Variants in ST8SIA4 observed in about 807,000 individuals in gnomAD.
ST8SIA4 encodes ST8 alpha-N-acetyl-neuraminide alpha-2,8-sialyltransferase 4.
In ST8SIA4, 15 loss-of-function variants were observed where a neutral mutation model predicts 33.9. The observed-to-expected ratio is 0.44, with a 90% CI of 0.30 to 0.68. The LOEUF (loss-of-function observed/expected upper bound fraction) is 0.68, where lower values mean the gene tolerates loss of function less well. Among genes scored for constraint, ST8SIA4 ranks in the 30% least tolerant of loss-of-function variants. ST8SIA4 has a pLI of 0.10. For missense variants in ST8SIA4, 321 were observed against 428.0 expected (o/e 0.75, Z 2.21); for synonymous variants, 171 against 151.2 (o/e 1.13, Z -0.96).
At chr5:100,835,767 T>TG (rs1313248952) in intron 4 of ST8SIA4, among the ~76,000 whole-genome samples, 1 of 152,152 alleles carries the variant, frequency 6.6e-6, no homozygotes, top group African/African-American at 2.4e-5. Context: ...ATCCCCACTT[T>TG]GGGGGATACA....
chr5:100,830,816 T>C (rs779682088), intron 4 of ST8SIA4, among the ~76,000 whole-genome samples: 10 of 152,226 alleles, frequency 6.6e-5, no homozygotes, highest in Non-Finnish European at 1.2e-4. Flanking sequence ...TAAGTACAAC[T>C]AAAATTAATT....
At chr5:100,870,360 C>T (rs922153904) in intron 3 of ST8SIA4, among the ~76,000 whole-genome samples, 10 of 152,054 alleles carry the variant, frequency 6.6e-5, no homozygotes, top group Non-Finnish European at 1.2e-4. Flanking sequence ...GATTCCTCTT[C>T]GTCACATGTT....
chr5:100,894,535 T>C (rs1752738501), intron 2 of ST8SIA4, among the ~76,000 whole-genome samples: 1 of 152,094 alleles, frequency 6.6e-6, no homozygotes, highest in Non-Finnish European at 1.5e-5. Flanking sequence ...TTTCAAACCT[T>C]TAAACCAAAG....
chr5:100,903,011 A>G lies in ST8SIA4; in HGVS notation c.-56T>C. ...CAGCTCCCGCACCTTCTCTTGATATAAAGGCTCCGTTTTGGGGAGATAGTC... is the reference window on the plus strand; with the variant it reads ...CAGCTCCCGCACCTTCTCTTGATATGAAGGCTCCGTTTTGGGGAGATAGTC... On this transcript the variant is annotated 5_prime_UTR_variant, in exon 1 of 5. Transcript: ENST00000231461. 7.8e-7 allele frequency: 1 copy of G among 1,289,538 alleles called. No individual in the cohort carries two copies. Among genetic ancestry groups the G allele is most frequent in the African/African-American group, 1.5e-5 (1 of 68,184 alleles). 79.9% of individuals were successfully genotyped at this position (1,289,538 alleles called of 1,614,324 possible).
chr5:100,840,987 T>A (rs2112423862), intron 4 of ST8SIA4, among the ~76,000 whole-genome samples: 1 of 151,918 alleles, frequency 6.6e-6, no homozygotes, highest in East Asian at 1.9e-4. Context: ...CAGTAAGACA[T>A]TCAAAAACTT....
chr5:100,833,339 C>T (rs998120577), intron 4 of ST8SIA4, among the ~76,000 whole-genome samples: 4 of 151,992 alleles, frequency 2.6e-5, no homozygotes, highest in African/African-American at 4.8e-5. Context: ...ATTATTTAAA[C>T]GTTTGTAAGT....
intron 4 of ST8SIA4, among the ~76,000 whole-genome samples, chr5:100,833,138 A>C (rs1435853320): frequency 6.6e-6 from 1 of 152,134 alleles, no homozygotes; most frequent in East Asian, 1.9e-4. Context: ...TTATTGGTTA[A>C]CATATTATTT....
At chr5:100,855,420 A>G (rs1026406120) in intron 4 of ST8SIA4, among the ~76,000 whole-genome samples, 1 of 152,196 alleles carries the variant, frequency 6.6e-6, no homozygotes, top group Non-Finnish European at 1.5e-5. Context: ...AAGCTACAGT[A>G]TCTGACACTC....
At chr5:100,828,526 G>A (rs906973948) in intron 4 of ST8SIA4, among the ~76,000 whole-genome samples, 1 of 152,126 alleles carries the variant, frequency 6.6e-6, no homozygotes, top group Non-Finnish European at 1.5e-5. Context: ...AGAAACATAG[G>A]TTGGATTTAA....
intron 2 of ST8SIA4, chr5:100,890,749 A>C (rs1752643456): frequency 6.6e-6 from 1 of 151,936 alleles, no homozygotes; most frequent in Non-Finnish European, 1.5e-5. Flanking sequence ...CAAACACCTA[A>C]ATTGAGCAAC....
chr5:100,877,929 C>G (rs1318358450), intron 3 of ST8SIA4, among the ~76,000 whole-genome samples: 3 of 152,138 alleles, frequency 2.0e-5, no homozygotes. Context: ...TCCGTCTTTA[C>G]TACCCCTCAA....
intron 4 of ST8SIA4, among the ~76,000 whole-genome samples, chr5:100,853,999 GTGTGTGTGTGTA>G: frequency 4.1e-5 from 1 of 24,162 alleles, no homozygotes; most frequent in South Asian, 2.9e-3. Flanking sequence ...GTGTGTGTGT[GTGTGTGTGTGTA>G]TGTTTAAGAT....
chr5:100,876,073 G>T (rs964987074), intron 3 of ST8SIA4, among the ~76,000 whole-genome samples: 114 of 152,094 alleles, frequency 7.5e-4, no homozygotes, highest in African/African-American at 2.7e-3. Flanking sequence ...AAGACATAAA[G>T]CCTAAAACTA....
intron 2 of ST8SIA4, among the ~76,000 whole-genome samples, chr5:100,895,225 A>C (rs912974311): frequency 1.3e-5 from 2 of 152,064 alleles, no homozygotes; most frequent in African/African-American, 4.8e-5. Flanking sequence ...TCACAGGATA[A>C]GACTAATTTA....
chr5:100,872,847 C>G (rs1202843178), intron 3 of ST8SIA4, among the ~76,000 whole-genome samples: 1 of 146,312 alleles, frequency 6.8e-6, no homozygotes, highest in Admixed American at 6.9e-5. Flanking sequence ...GTGTACCAAT[C>G]TTGGTGCTAG....
intron 1 of ST8SIA4, among the ~76,000 whole-genome samples, chr5:100,897,908 T>C (rs1752815562): frequency 1.3e-5 from 2 of 152,212 alleles, no homozygotes; most frequent in African/African-American, 2.4e-5. Context: ...TTTTATATTA[T>C]ATTCATAATG....
chr5:100,875,001 G>A (rs1752275319), intron 3 of ST8SIA4, among the ~76,000 whole-genome samples: 1 of 152,190 alleles, frequency 6.6e-6, no homozygotes, highest in Admixed American at 6.5e-5. Flanking sequence ...TTTTTCTAAT[G>A]CTTACTAGCT....
intron 4 of ST8SIA4, among the ~76,000 whole-genome samples, chr5:100,830,990 T>C (rs1337475398): frequency 1.3e-5 from 2 of 152,186 alleles, no homozygotes; most frequent in Non-Finnish European, 2.9e-5. Context: ...ATTAGACCTA[T>C]AGCTTCTCAA....
In ST8SIA4 at chr5:100,823,160, C is replaced by A. The variant is rs537538590; in HGVS notation, c.798-11031G>T. 2.5e-3 allele frequency among the ~76,000 whole-genome samples: 380 copies of A among 149,694 alleles called. 2 individuals carry two copies. The highest frequency in any genetic ancestry group is 9.2e-3 in the African/African-American group (368 of 39,986). On this transcript the variant is annotated intron_variant, in intron 4 of 4. Transcript: ENST00000231461. ...ACAAACAAACAAACAAACAAACAAA[C>A]AAAAAAACCCCACCAAAACCAAGAC...
Sources: gnomAD v4.1 joint callset for allele counts (sites outside exome capture counted in the v4.1 genomes callset) on GRCh38, gnomAD v4.1.1 for gene constraint, MANE v1.5 for transcripts, NCBI Gene and HGNC (gene_info 2026-07-23, HGNC 2026-07-21) for gene names.